The following EML4 variants were observed in gnomAD, a reference collection of about 807,000 sequenced individuals.
EML4 encodes EMAP like 4.
Under a neutral mutation model 129.0 loss-of-function variants are expected in EML4, and 72 were observed. The ratio of observed to expected loss-of-function variants is 0.56; its 90% CI spans 0.46 to 0.68. The LOEUF is 0.68. Ranked by LOEUF, EML4 falls within the 30% of genes least tolerant of loss-of-function variation. The pLI is 0.00. For synonymous variants in EML4, 532 were observed against 405.0 expected (o/e 1.31, Z -3.77); for missense variants, 1,363 against 1,190.6 (o/e 1.14, Z -2.13).
At chr2:42,189,497 A>G (rs1291410988) in intron 1 of EML4, among the ~76,000 whole-genome samples, 3 of 152,234 alleles carry the variant, frequency 2.0e-5, no homozygotes, top group South Asian at 2.1e-4. Flanking sequence ...AGAGGATTGC[A>G]TGAGACCAGG....
intron 14 of EML4, 123 bp downstream of exon 14, chr2:42,301,515 C>G: frequency 2.6e-6 from 2 of 769,138 alleles, no homozygotes; most frequent in Non-Finnish European, 3.8e-6. Context: ...ATTTCCTTTC[C>G]TCAAGAAAGG....
At position 42,256,459 on chromosome 2, in the gene EML4, A is replaced by G. The variant is rs374914453; in HGVS notation, c.209-42A>G. The G allele has an allele frequency of 9.0e-5, 139 of 1,550,966 alleles. 1 individual carries two copies. In the African/African-American group the frequency reaches 1.5e-3, roughly 17 times the overall value. Reference sequence around the variant, plus strand: ...TTTAAAATTTAGATCTTTAAGGAATATATTCAAATTTGATATAATTTTTTT... The same window carrying G: ...TTTAAAATTTAGATCTTTAAGGAATGTATTCAAATTTGATATAATTTTTTT... On this transcript the variant is annotated intron_variant, in intron 2 of 22. Coordinates refer to ENST00000318522, the MANE Select transcript of EML4 (RefSeq NM_019063.5).
chr2:42,233,860 A>C (rs1387118003), intron 1 of EML4, among the ~76,000 whole-genome samples: 1 of 152,222 alleles, frequency 6.6e-6, no homozygotes, highest in Admixed American at 6.5e-5. Context: ...ATGACTTGCT[A>C]CTTTGTATAC....
At chr2:42,304,308 C>T (rs1258735214) in intron 16 of EML4, among the ~76,000 whole-genome samples, 176 bp from the exon 17 acceptor site, 2 of 152,206 alleles carry the variant, frequency 1.3e-5, no homozygotes, top group Non-Finnish European at 2.9e-5. Context: ...CAGCATATCC[C>T]CTTCATGCTC....
intron 1 of EML4, among the ~76,000 whole-genome samples, chr2:42,201,347 A>G (rs1672220951): frequency 2.0e-5 from 3 of 152,238 alleles, no homozygotes; most frequent in Admixed American, 2.0e-4. Context: ...GTGGAAACTA[A>G]GGGATGAGTT....
intron 17 of EML4, among the ~76,000 whole-genome samples, chr2:42,312,265 C>CT (rs994672046): frequency 1.7e-5 from 2 of 117,662 alleles, no homozygotes; most frequent in African/African-American, 3.2e-5. Context: ...AAATTCTAAG[C>CT]CCCCCCCCAC....
At chr2:42,214,098 T>G (rs115929833) in intron 1 of EML4, among the ~76,000 whole-genome samples, 2,128 of 152,240 alleles carry the variant, frequency 0.014, 44 homozygotes, top group African/African-American at 0.049. Flanking sequence ...AATGTAGAAG[T>G]TTAAAACATT....
intron 6 of EML4, among the ~76,000 whole-genome samples, chr2:42,269,025 C>G (rs1280198055): frequency 6.6e-6 from 1 of 152,108 alleles, no homozygotes; most frequent in East Asian, 1.9e-4. Context: ...CCTCCCTGCT[C>G]TAGGATTAGA....
At chr2:42,240,895 C>T (rs1036081762) in intron 1 of EML4, among the ~76,000 whole-genome samples, 1 of 152,118 alleles carries the variant, frequency 6.6e-6, no homozygotes, top group East Asian at 1.9e-4. Context: ...AATCCCAGCA[C>T]TTTGGGAGGC....
intron 13 of EML4, among the ~76,000 whole-genome samples, chr2:42,296,105 A>G (rs568177674): frequency 6.6e-6 from 1 of 152,222 alleles, no homozygotes; most frequent in African/African-American, 2.4e-5. Context: ...GAGGAAGGAC[A>G]TGGAAAATAA....
intron 1 of EML4, among the ~76,000 whole-genome samples, chr2:42,223,681 T>TC (rs1218856785): frequency 6.6e-6 from 1 of 152,104 alleles, no homozygotes; most frequent in Admixed American, 6.5e-5. Flanking sequence ...ATTGAAAACA[T>TC]CCCCATGAAA....
intron 1 of EML4, among the ~76,000 whole-genome samples, chr2:42,214,018 A>T (rs988805653): frequency 6.6e-6 from 1 of 152,220 alleles, no homozygotes; most frequent in East Asian, 1.9e-4. Flanking sequence ...ATCAAATATT[A>T]TGGTAAACGG....
At position 42,315,993 on chromosome 2, in the gene EML4, C is replaced by T. The variant is rs1318305150; in HGVS notation, c.1999C>T (p.Leu667=). Residue 667 remains leucine (L), a synonymous_variant, in exon 18 of 23, where the codon CTA becomes TTA. Coordinates refer to ENST00000318522, the MANE Select transcript of EML4 (RefSeq NM_019063.5). ...TGTTCTGGATGCAGAAACCAGAGAT[C>T]TAGTTTCTATCCACACAGACGGGAA... is the stretch of plus-strand genomic sequence containing the variant. The part of the protein sequence containing the change: ...WFVLDAETRD[L]VSIHTDGNEQ... The T allele has an allele frequency of 6.2e-7, 1 of 1,613,574 alleles. No homozygotes were observed. The highest frequency in any genetic ancestry group is 8.5e-7 in the Non-Finnish European group (1 of 1,179,672).
intron 11 of EML4, 76 bp downstream of exon 11, chr2:42,288,398 A>G: frequency 2.9e-6 from 2 of 700,034 alleles, no homozygotes; most frequent in Non-Finnish European, 2.4e-6. Flanking sequence ...CTATATTGGT[A>G]TTAGAACTAT....
At chr2:42,254,150 C>T (rs753076196) in intron 2 of EML4, among the ~76,000 whole-genome samples, 9 of 152,094 alleles carry the variant, frequency 5.9e-5, no homozygotes, top group East Asian at 1.9e-4. Context: ...GGTAAAAGAA[C>T]GGTAAAAATG....
At chr2:42,266,823 T>G (rs1032121072) in intron 6 of EML4, among the ~76,000 whole-genome samples, 1 of 152,232 alleles carries the variant, frequency 6.6e-6, no homozygotes, top group East Asian at 1.9e-4. Context: ...ACTATAAAGC[T>G]TATTTCACAT....
intron 10 of EML4, 80 bp downstream of exon 10, chr2:42,286,459 G>T: frequency 1.2e-6 from 1 of 844,540 alleles, no homozygotes; most frequent in Non-Finnish European, 2.0e-6. Flanking sequence ...GTGTTTATGT[G>T]GCCATGAAGT....
intron 6 of EML4, among the ~76,000 whole-genome samples, chr2:42,265,861 A>G (rs556206161): frequency 3.3e-5 from 5 of 152,326 alleles, no homozygotes; most frequent in African/African-American, 7.2e-5. Context: ...AGACCAAAAA[A>G]AGAGAGCAGA....
intron 13 of EML4, among the ~76,000 whole-genome samples, chr2:42,298,969 C>G (rs1039117842): frequency 2.0e-5 from 3 of 152,176 alleles, no homozygotes; most frequent in African/African-American, 7.2e-5. Context: ...CAGTAGTACT[C>G]TCAGAAAATT....
Sources: gnomAD v4.1 joint callset for allele counts (sites outside exome capture counted in the v4.1 genomes callset) on GRCh38, gnomAD v4.1.1 for gene constraint, MANE v1.5 for transcripts, NCBI Gene and HGNC (gene_info 2026-07-23, HGNC 2026-07-21) for gene names.